The following PEAK1 variants were observed in gnomAD, a reference collection of about 807,000 sequenced individuals.
PEAK1 encodes the protein inactive tyrosine-protein kinase PEAK1.
In PEAK1, 54 loss-of-function variants were observed where a neutral mutation model predicts 124.7. The observed-to-expected ratio is 0.43, with a 90% CI of 0.35 to 0.54. The LOEUF (loss-of-function observed/expected upper bound fraction) is 0.54, where lower values mean the gene tolerates loss of function less well. Among genes scored for constraint, PEAK1 ranks in the 20% least tolerant of loss-of-function variants. PEAK1 has a pLI of 0.01. For synonymous variants in PEAK1, 719 were observed against 760.0 expected, an observed-to-expected ratio of 0.95 and a Z score of 0.89; for missense variants, 2,046 against 2,134.5, an observed-to-expected ratio of 0.96 and a Z score of 0.82.
Position 77,115,304 on chromosome 15 carries a change from C to G in PEAK1, c.4093G>C (p.Ala1365Pro), listed in dbSNP as rs761144405. 1 of 1,612,532 alleles carries G rather than the reference C, an allele frequency of 6.2e-7. No homozygotes were observed. The highest frequency in any genetic ancestry group is 2.2e-5 in the East Asian group (1 of 44,836). ...TGATAATACTGCTGAGATTCTTTAG[C>G]TTTGCTCTTACAGATCTGAAAGATA... Reference protein sequence around the residue: ...NYAVKICKSKAKESQQYYHSL... With the variant: ...NYAVKICKSKPKESQQYYHSL... The change falls in exon 10 of 10, where the codon GCT becomes CCT. Residue 1365 changes from alanine (A) to proline (P), a missense_variant. Ala to Pro is a conservative substitution (Grantham distance 27). Transcript: ENST00000682557.
At chr15:77,154,529 T>G (rs1284044837) in intron 8 of PEAK1, among the ~76,000 whole-genome samples, 1 of 152,246 alleles carries the variant, frequency 6.6e-6, no homozygotes, top group African/African-American at 2.4e-5. Flanking sequence ...CCTGTCATTA[T>G]GATGTTAGCT....
chr15:77,111,872 T>C lies in PEAK1; in HGVS notation c.*2284A>G, dbSNP rs1193156884. ...ATGACATTGAGAAGGTATATCTCAA[T>C]ATGCAAGACATTGCAAGATGGGAGG... On this transcript the variant is annotated 3_prime_UTR_variant, in exon 10 of 10. Coordinates refer to ENST00000682557, the MANE Select transcript of PEAK1 (RefSeq NM_001385026.1). 6.6e-6 allele frequency: 1 copy of C among 152,246 alleles called. No individual in the cohort carries two copies. Among genetic ancestry groups the C allele is most frequent in the Non-Finnish European group, 1.5e-5 (1 of 68,040 alleles). The allele number at this position is 152,246 out of a possible 1,614,324, so 9.4% of individuals were successfully genotyped here.
intron 2 of PEAK1, among the ~76,000 whole-genome samples, chr15:77,317,378 A>C (rs1213179884): frequency 6.6e-6 from 1 of 152,208 alleles, no homozygotes; most frequent in East Asian, 1.9e-4. Flanking sequence ...ACAACTTGTT[A>C]TTATCAATCT....
chr15:77,334,764 TCTTC>T (rs1467197472), intron 2 of PEAK1: 1 of 985,302 alleles, frequency 1.0e-6, no homozygotes. Context: ...TCCTGACCTG[TCTTC>T]CTTTTGTCTT....
chr15:77,272,406 C>A lies in PEAK1; in HGVS notation c.-275+11477G>T, dbSNP rs147946077. ...AGAAGAGAGAAGATCCAAATAAGCT[C>A]AATTAGAAACAAAATGGGAGATATA... On this transcript the variant is annotated intron_variant, in intron 5 of 9. Transcript: ENST00000682557. 1.6e-4 allele frequency among the ~76,000 whole-genome samples: 25 copies of A among 152,144 alleles called. No homozygotes were observed. The East Asian group carries it at 4.8e-3, about 29-fold the overall frequency.
At chr15:77,126,907 A>C (rs1231324005) in intron 9 of PEAK1, among the ~76,000 whole-genome samples, 1 of 152,222 alleles carries the variant, frequency 6.6e-6, no homozygotes, top group Non-Finnish European at 1.5e-5. Context: ...CTGAGTTAAA[A>C]CCACTTACTT....
At chr15:77,290,092 C>T (rs1040255998) in intron 2 of PEAK1, among the ~76,000 whole-genome samples, 55 of 152,038 alleles carry the variant, frequency 3.6e-4, no homozygotes, top group Non-Finnish European at 1.0e-4. Context: ...CTCAGCTTCC[C>T]GAGTAGCTGG....
At chr15:77,315,211 T>G (rs1406266268) in intron 2 of PEAK1, among the ~76,000 whole-genome samples, 2 of 152,242 alleles carry the variant, frequency 1.3e-5, no homozygotes, top group Non-Finnish European at 2.9e-5. Context: ...AATAGATCTT[T>G]ATAACCTGAT....
At position 77,266,236 on chromosome 15, in the gene PEAK1, AAAAGTT is replaced by A. The variant is rs1389956606; in HGVS notation, c.-274-13716_-274-13711del. On this transcript the variant is annotated intron_variant, in intron 5 of 9. Coordinates refer to ENST00000682557, the MANE Select transcript of PEAK1 (RefSeq NM_001385026.1). Reference sequence around the variant, plus strand: ...CCTGCACATTGTGCACATGTACCCTAAAAGTTAAAGTATAATAATAAAAAAAAATAA... The same window carrying A: ...CCTGCACATTGTGCACATGTACCCTAAAAGTATAATAATAAAAAAAAATAA... 1.3e-5 allele frequency among the ~76,000 whole-genome samples: 2 copies of A among 152,100 alleles called. 1 individual carries two copies. The highest frequency in any genetic ancestry group is 3.8e-4 in the East Asian group (2 of 5,196).
chr15:77,351,573 A>T, intron 2 of PEAK1: 1 of 352,932 alleles, frequency 2.8e-6, no homozygotes, highest in Non-Finnish European at 4.0e-6. Context: ...AAACTCCGTT[A>T]ACAGGGCCTT....
intron 6 of PEAK1, among the ~76,000 whole-genome samples, chr15:77,196,002 A>T (rs888409526): frequency 3.3e-5 from 5 of 152,216 alleles, no homozygotes; most frequent in Non-Finnish European, 7.3e-5. Context: ...GCAGCTGGTG[A>T]GCCTTGCTAT....
chr15:77,402,167 G>GTA, intron 1 of PEAK1: 1 of 647,748 alleles, frequency 1.5e-6, no homozygotes, highest in Non-Finnish European at 1.7e-6. Flanking sequence ...ACTCCACCTC[G>GTA]GAAAAAAAAA....
At chr15:77,257,212 C>T (rs919759430) in intron 5 of PEAK1, among the ~76,000 whole-genome samples, 6 of 151,866 alleles carry the variant, frequency 4.0e-5, no homozygotes, top group Non-Finnish European at 4.4e-5. Context: ...TTTATAGCAG[C>T]ATGATTTATA....
intron 8 of PEAK1, among the ~76,000 whole-genome samples, chr15:77,134,237 C>G (rs1190140421): frequency 6.6e-6 from 1 of 152,162 alleles, no homozygotes; most frequent in Admixed American, 6.5e-5. Context: ...CTATTCTGTT[C>G]TTTTTATTCC....
chr15:77,264,176 T>C (rs1463274343), intron 5 of PEAK1, among the ~76,000 whole-genome samples: 1 of 152,062 alleles, frequency 6.6e-6, no homozygotes, highest in Non-Finnish European at 1.5e-5. Flanking sequence ...CTGGAAGCAT[T>C]CCCTTTGAAA....
Position 77,180,443 on chromosome 15 carries a change from C to G in PEAK1, c.1484G>C (p.Ser495Thr), listed in dbSNP as rs765855325. 1.9e-6 allele frequency: 3 copies of G among 1,614,086 alleles called. No individual in the cohort carries two copies. Among genetic ancestry groups the G allele is most frequent in the Non-Finnish European group, 2.5e-6 (3 of 1,180,020 alleles). Residue 495 changes from serine to threonine, a missense_variant, in exon 7 of 10, where the codon AGC becomes ACC. Coordinates refer to ENST00000682557, the MANE Select transcript of PEAK1 (RefSeq NM_001385026.1). ...AGAGGATGAGCTTTTTGTCTTGGGG[C>G]TGTTAACAGGGCCCTCGAGGTGCTC... is the stretch of plus-strand genomic sequence containing the variant. ...ASEHLEGPVN[S>T]PKTKSSSSTP... is the part of the protein sequence containing the mutation.
intron 2 of PEAK1, among the ~76,000 whole-genome samples, chr15:77,321,487 G>C (rs929234532): frequency 6.6e-6 from 1 of 152,084 alleles, no homozygotes; most frequent in African/African-American, 2.4e-5. Flanking sequence ...CATATCCTTT[G>C]CCCACTTTTT....
intron 7 of PEAK1, among the ~76,000 whole-genome samples, chr15:77,170,311 G>A (rs562589819): frequency 1.4e-4 from 22 of 152,130 alleles, no homozygotes; most frequent in African/African-American, 4.6e-4. Flanking sequence ...AAAAAAAAGA[G>A]AGGACCAATT....
At chr15:77,286,594 G>T in intron 2 of PEAK1, 90 bp from the exon 3 acceptor site, 2 of 579,198 alleles carry the variant, frequency 3.5e-6, no homozygotes, top group East Asian at 3.5e-5. Context: ...TCACCATAAA[G>T]CAGAATCAAA....
Sources: gnomAD v4.1 joint callset for allele counts (sites outside exome capture counted in the v4.1 genomes callset) on GRCh38, gnomAD v4.1.1 for gene constraint, MANE v1.5 for transcripts, NCBI Gene and HGNC (gene_info 2026-07-23, HGNC 2026-07-21) for gene names.